The following C8orf34 variants were observed in gnomAD, a reference collection of about 807,000 sequenced individuals.
C8orf34 encodes the protein uncharacterized protein C8orf34.
In C8orf34, 65 loss-of-function variants were observed where a neutral mutation model predicts 68.3. The ratio of observed to expected loss-of-function variants is 0.95; its 90% CI spans 0.78 to 1.17. C8orf34 has a LOEUF of 1.17. Ranked by LOEUF, C8orf34 falls within the 50% of genes most tolerant of loss-of-function variation. C8orf34 has a pLI of 0.00. For synonymous variants in C8orf34, 244 were observed against 241.2 expected (o/e 1.01, Z -0.11); for missense variants, 664 against 655.4 (o/e 1.01, Z -0.14).
chr8:68,565,257 T>C (rs78313170), intron 7 of C8orf34, among the ~76,000 whole-genome samples: 2,213 of 152,310 alleles, frequency 0.015, 56 homozygotes, highest in African/African-American at 0.051. Flanking sequence ...ATTGGATCGT[T>C]GTTCTCCTGA....
intron 8 of C8orf34, among the ~76,000 whole-genome samples, chr8:68,669,574 CAAT>C (rs947218093): frequency 1.3e-5 from 2 of 152,132 alleles, no homozygotes; most frequent in African/African-American, 2.4e-5. Context: ...ATCAGGAAAA[CAAT>C]AATATTGGGC....
chr8:68,382,040 C>T (rs571075543), intron 1 of C8orf34, among the ~76,000 whole-genome samples: 19 of 152,182 alleles, frequency 1.2e-4, no homozygotes, highest in African/African-American at 3.9e-4. Flanking sequence ...AGAAACATAG[C>T]GGACATAAGA....
intron 8 of C8orf34, among the ~76,000 whole-genome samples, chr8:68,676,646 G>A (rs1328961900): frequency 3.3e-5 from 5 of 152,182 alleles, no homozygotes; most frequent in Admixed American, 3.3e-4. Context: ...TTCAAGGATA[G>A]ACATATGTTA....
At chr8:68,413,557 G>A (rs1456028727) in intron 1 of C8orf34, among the ~76,000 whole-genome samples, 6 of 152,128 alleles carry the variant, frequency 3.9e-5, no homozygotes, top group African/African-American at 1.2e-4. Context: ...GGAGCTCTTG[G>A]TACCCATCCC....
intron 5 of C8orf34, among the ~76,000 whole-genome samples, chr8:68,519,805 T>A (rs953236655): frequency 6.6e-6 from 1 of 152,180 alleles, no homozygotes; most frequent in Non-Finnish European, 1.5e-5. Flanking sequence ...TTATAATTCT[T>A]ATCATCCCCA....
chr8:68,334,716 A>G (rs1264528173), intron 1 of C8orf34, among the ~76,000 whole-genome samples: 2 of 152,200 alleles, frequency 1.3e-5, no homozygotes, highest in Non-Finnish European at 2.9e-5. Flanking sequence ...TTCTCTAAGT[A>G]TGGTATGACC....
intron 5 of C8orf34, among the ~76,000 whole-genome samples, chr8:68,510,233 A>G (rs1312453620): frequency 6.6e-6 from 1 of 152,158 alleles, no homozygotes; most frequent in Non-Finnish European, 1.5e-5. Context: ...CTCCTCCTGC[A>G]AGGGAGAGGA....
At chr8:68,688,431 GA>G (rs1820587575) in intron 8 of C8orf34, among the ~76,000 whole-genome samples, 1 of 151,998 alleles carries the variant, frequency 6.6e-6, no homozygotes, top group Admixed American at 6.6e-5. Context: ...CAAGGATCTA[GA>G]ACCAGAAATA....
At chr8:68,782,471 A>G (rs542688456) in intron 11 of C8orf34, among the ~76,000 whole-genome samples, 460 of 148,612 alleles carry the variant, frequency 3.1e-3, no homozygotes, top group African/African-American at 0.011. Flanking sequence ...GCAATAGGCC[A>G]TCTAGTGCCT....
intron 7 of C8orf34, among the ~76,000 whole-genome samples, chr8:68,621,464 C>T (rs1326034579): frequency 6.6e-6 from 1 of 152,126 alleles, no homozygotes; most frequent in Non-Finnish European, 1.5e-5. Flanking sequence ...AAAATTTCAG[C>T]CTTTATAAAT....
At chr8:68,509,014 C>G (rs749667513) in intron 5 of C8orf34, among the ~76,000 whole-genome samples, 1 of 152,178 alleles carries the variant, frequency 6.6e-6, no homozygotes, top group Admixed American at 6.5e-5. Flanking sequence ...ACTTCTGGGT[C>G]TCCACCCCAG....
intron 9 of C8orf34, among the ~76,000 whole-genome samples, chr8:68,719,596 TATACA>T (rs1821610643): frequency 6.6e-6 from 1 of 151,826 alleles, no homozygotes; most frequent in South Asian, 2.1e-4. Flanking sequence ...AATACACAAA[TATACA>T]ATACAATAAA....
intron 7 of C8orf34, among the ~76,000 whole-genome samples, chr8:68,635,331 A>C (rs114931374): frequency 0.011 from 1,653 of 152,294 alleles, 31 homozygotes; most frequent in African/African-American, 0.038. Flanking sequence ...CATATCCTCA[A>C]AGGTAATGAG....
intron 1 of C8orf34, among the ~76,000 whole-genome samples, chr8:68,420,213 C>T (rs897856947): frequency 2.7e-5 from 4 of 150,180 alleles, no homozygotes; most frequent in East Asian, 2.0e-4. Flanking sequence ...AGAAGGGCAA[C>T]AGTTGGAGAC....
intron 8 of C8orf34, among the ~76,000 whole-genome samples, chr8:68,687,480 T>A (rs1820554212): frequency 6.6e-6 from 1 of 152,022 alleles, no homozygotes; most frequent in African/African-American, 2.4e-5. Flanking sequence ...CCAACTGATC[T>A]TTGACAAAGC....
intron 10 of C8orf34, among the ~76,000 whole-genome samples, chr8:68,768,855 A>G (rs1486945664): frequency 6.6e-6 from 1 of 151,756 alleles, no homozygotes; most frequent in Non-Finnish European, 1.5e-5. Context: ...TTGGCTTTCT[A>G]GAGTTTTCTC....
chr8:68,529,149 C>G (rs1045926282), intron 6 of C8orf34, among the ~76,000 whole-genome samples: 1 of 152,184 alleles, frequency 6.6e-6, no homozygotes, highest in Non-Finnish European at 1.5e-5. Flanking sequence ...GTCTTTCATT[C>G]AATTTACAAA....
intron 8 of C8orf34, among the ~76,000 whole-genome samples, chr8:68,672,790 T>G (rs1220551819): frequency 6.6e-6 from 1 of 152,130 alleles, no homozygotes; most frequent in East Asian, 1.9e-4. Context: ...CCAGCACAGG[T>G]GGCTAAAGGA....
chr8:68,783,561 C>T (rs867043586), intron 11 of C8orf34, among the ~76,000 whole-genome samples: 53 of 149,710 alleles, frequency 3.5e-4, no homozygotes, highest in African/African-American at 1.2e-3. Context: ...GCATATCTGA[C>T]GGCCTCCTTT....
Sources: gnomAD v4.1 joint callset for allele counts (sites outside exome capture counted in the v4.1 genomes callset) on GRCh38, gnomAD v4.1.1 for gene constraint, MANE v1.5 for transcripts, NCBI Gene and HGNC (gene_info 2026-07-23, HGNC 2026-07-21) for gene names.